The following RGS12 variants were observed in gnomAD, a reference collection of about 807,000 sequenced individuals.
RGS12 encodes regulator of G protein signaling 12.
A neutral mutation model predicts 120.1 loss-of-function variants in RGS12; 66 were observed. The observed-to-expected ratio is 0.55, with a 90% CI of 0.45 to 0.67. RGS12 has a LOEUF of 0.67. Ranked by LOEUF, RGS12 falls within the 30% of genes least tolerant of loss-of-function variation. The pLI is 0.00. For synonymous variants in RGS12, 827 were observed against 804.7 expected, an observed-to-expected ratio of 1.03 and a Z score of -0.47; for missense variants, 1,859 against 1,957.7, an observed-to-expected ratio of 0.95 and a Z score of 0.95.
intron 1 of RGS12, among the ~76,000 whole-genome samples, chr4:3,309,608 C>CCGGGAA (rs1724212818): frequency 2.6e-5 from 2 of 76,986 alleles, no homozygotes; most frequent in African/African-American, 1.4e-4. Flanking sequence ...GAGCTGGGAC[C>CCGGGAA]TGGGAATGGC....
chr4:3,410,507 TC>T (rs879391762), intron 4 of RGS12, among the ~76,000 whole-genome samples: 7 of 152,214 alleles, frequency 4.6e-5, no homozygotes, highest in African/African-American at 7.2e-5. Flanking sequence ...CCAGCTCTGG[TC>T]TTCCGTCTCC....
At chr4:3,431,229 G>T in intron 17 of RGS12, 1 of 1,322,168 alleles carries the variant, frequency 7.6e-7, no homozygotes, top group Non-Finnish European at 9.6e-7. Context: ...ACGTGGCAGT[G>T]CCTGCAGCGA....
Position 3,366,600 on chromosome 4 carries a change from C to G in RGS12, c.1999-19816C>G, listed in dbSNP as rs541446594. On this transcript the variant is annotated intron_variant, in intron 3 of 17. Coordinates refer to ENST00000336727, the MANE Select transcript of RGS12 (RefSeq NM_001394154.1). The surrounding 1 kb of genome is among the most constrained non-coding windows in gnomAD (Gnocchi z 4.0). ...GGGCCGTCCCGGTTCCTGGGTGTTC[C>G]GCGCCCGTCTCCTTTCTGCTGTTGA... Among the ~76,000 whole-genome samples the G allele has an allele frequency of 6.6e-6, 1 of 152,218 alleles. No individual in the cohort carries two copies. Among genetic ancestry groups the G allele is most frequent in the Admixed American group, 6.5e-5 (1 of 15,288 alleles).
Position 3,348,531 on chromosome 4 carries a change from C to T in RGS12, c.1998+5478C>T, listed in dbSNP as rs375923063. ...AAGAGGGTGTCCAGTATTACGAGTG[C>T]GCACCGTATTATAGAGGAATGTCAA... On this transcript the variant is annotated intron_variant, in intron 3 of 17. Transcript: ENST00000336727. 8.5e-5 allele frequency among the ~76,000 whole-genome samples: 13 copies of T among 152,050 alleles called. No individual in the cohort carries two copies. In the East Asian group the frequency reaches 9.6e-4, roughly 11 times the overall value.
chr4:3,369,299 A>G (rs1484544525), intron 3 of RGS12, among the ~76,000 whole-genome samples: 1 of 152,206 alleles, frequency 6.6e-6, no homozygotes, highest in Non-Finnish European at 1.5e-5. Flanking sequence ...TCTGAAACGA[A>G]GTGTGTGTCC....
At chr4:3,420,346 C>T (rs1722866887) in intron 9 of RGS12, 1 of 504,330 alleles carries the variant, frequency 2.0e-6, no homozygotes, top group Non-Finnish European at 3.6e-6. Flanking sequence ...ATTTGTTGGG[C>T]ACCTGCCATG....
chr4:3,288,835 G>C (rs896885318), upstream of RGS12, among the ~76,000 whole-genome samples: 5 of 152,178 alleles, frequency 3.3e-5, no homozygotes, highest in Admixed American at 6.5e-5. This position sits in a 1 kb window ranked among gnomAD's most constrained non-coding sequence, Gnocchi z 5.2. Context: ...AGGGGCCCCA[G>C]GTCCCAGCTC....
At chr4:3,299,016 T>G (rs1337664419) in intron 1 of RGS12, among the ~76,000 whole-genome samples, 1 of 152,222 alleles carries the variant, frequency 6.6e-6, no homozygotes, top group Non-Finnish European at 1.5e-5. Context: ...TCTTTGAACA[T>G]CTAGTGTTAT....
rs1418066155 is a variant in RGS12, at chr4:3,422,447, T to A, written c.2910T>A (p.Asp970Glu). 6.2e-7 allele frequency: 1 copy of A among 1,613,136 alleles called. No homozygotes were observed. The highest frequency in any genetic ancestry group is 1.7e-5 in the Admixed American group (1 of 60,032). Residue 970 changes from aspartate to glutamate, a missense_variant, in exon 11 of 18, where the codon GAT (aspartate) becomes GAA (glutamate). Transcript: ENST00000336727. ...ATKHCCIHLP[D>E]GTSCVVAVKA... ...AGCACTGCTGCATTCATCTCCCGGA[T>A]GGGACATCCTGCGTGGTGGCTGTCA...
chr4:3,365,871 C>T lies in RGS12; in HGVS notation c.1999-20545C>T, dbSNP rs900805267. Among the ~76,000 whole-genome samples the T allele has an allele frequency of 1.3e-5, 2 of 152,188 alleles. No individual in the cohort carries two copies. Among genetic ancestry groups the T allele is most frequent in the Non-Finnish European group, 2.9e-5 (2 of 68,034 alleles). On this transcript the variant is annotated intron_variant, in intron 3 of 17. Transcript: ENST00000336727. This position sits in a 1 kb window ranked among gnomAD's most constrained non-coding sequence, Gnocchi z 4.0. ...GGACATGTAATAGGATTCTTCAGTG[C>T]TTCAGGGCCTTCTCATTGAGTGAAT...
chr4:3,317,081 T>C lies in RGS12; in HGVS notation c.911T>C (p.Val304Ala). Residue 304 changes from valine (V) to alanine (A), a missense_variant, in exon 2 of 18, where the codon GTG (valine) becomes GCG (alanine). Val to Ala is a moderately conservative substitution (Grantham distance 64). This residue lies in a region of RGS12 where 967 missense variants were observed against 994.2 expected (regional missense o/e 0.97). Coordinates refer to ENST00000336727, the MANE Select transcript of RGS12 (RefSeq NM_001394154.1). Reference sequence around the variant, plus strand: ...GCCGAGAAGCTGGCCTTCAGCGCCGTGTGCCCGGACGACCGGCGATTTTTC... The same window carrying C: ...GCCGAGAAGCTGGCCTTCAGCGCCGCGTGCCCGGACGACCGGCGATTTTTC... Reference protein sequence around the residue: ...YPAEKLAFSAVCPDDRRFFGL... With the variant: ...YPAEKLAFSAACPDDRRFFGL... 1 of 1,613,562 alleles carries C rather than the reference T, an allele frequency of 6.2e-7. No homozygotes were observed. Among genetic ancestry groups the C allele is most frequent in the Non-Finnish European group, 8.5e-7 (1 of 1,179,984 alleles).
chr4:3,368,329 C>CTGTG (rs1031028370), intron 3 of RGS12, among the ~76,000 whole-genome samples: 53 of 151,956 alleles, frequency 3.5e-4, no homozygotes, highest in Middle Eastern at 3.4e-3. Context: ...GAAAGTGTGC[C>CTGTG]TGTGTGTGTG....
At position 3,433,264 on chromosome 4, in the gene RGS12, C is replaced by T. The variant is rs969042312; in HGVS notation, c.4114+2309C>T. ...TGGCAGCCGCCCTGGACCCAGCGTC[C>T]GGGGTGAGAAACACAACAGGAGGTG... On this transcript the variant is annotated intron_variant, in intron 17 of 17. Coordinates refer to ENST00000336727, the MANE Select transcript of RGS12 (RefSeq NM_001394154.1). The surrounding 1 kb of genome is among the most constrained non-coding windows in gnomAD (Gnocchi z 4.4). Among the ~76,000 whole-genome samples, 4 of 152,208 alleles carry T rather than the reference C, an allele frequency of 2.6e-5. No individual in the cohort carries two copies. Among genetic ancestry groups the T allele is most frequent in the Non-Finnish European group, 4.4e-5 (3 of 68,022 alleles).
At chr4:3,287,410 C>T in the RGS12 span, among the ~76,000 whole-genome samples, 149 of 152,014 alleles carry the variant, frequency 9.8e-4, no homozygotes, top group African/African-American at 3.2e-3. Flanking sequence ...CCAGCTGGAG[C>T]AGCTCTGTTG....
chr4:3,391,788 T>A (rs1719533977), intron 4 of RGS12, among the ~76,000 whole-genome samples: 1 of 150,468 alleles, frequency 6.6e-6, no homozygotes, highest in African/African-American at 2.5e-5. Context: ...GAGGGCTGCC[T>A]GGGGTGTTTG....
chr4:3,436,454 G>A (rs1370730938), intron 17 of RGS12, among the ~76,000 whole-genome samples: 1 of 152,170 alleles, frequency 6.6e-6, no homozygotes, highest in Non-Finnish European at 1.5e-5. Flanking sequence ...GGAGCATGGA[G>A]GCAGAGGCTG....
chr4:3,376,091 C>A (rs1251280059), intron 3 of RGS12, among the ~76,000 whole-genome samples: 1 of 152,236 alleles, frequency 6.6e-6, no homozygotes, highest in East Asian at 1.9e-4. Flanking sequence ...CAGGAGGACA[C>A]TACTTTGGGC....
chr4:3,433,731 C>G lies in RGS12; in HGVS notation c.4114+2776C>G, dbSNP rs1370740490. Among the ~76,000 whole-genome samples the G allele has an allele frequency of 6.6e-6, 1 of 151,580 alleles. No homozygotes were observed. The highest frequency in any genetic ancestry group is 1.9e-4 in the East Asian group (1 of 5,146). On this transcript the variant is annotated intron_variant, in intron 17 of 17. Transcript: ENST00000336727. This position sits in a 1 kb window ranked among gnomAD's most constrained non-coding sequence, Gnocchi z 4.4. ...GCGTCATGCACCGCACCGCCCCATG[C>G]TTCTAGCCCCAGCGCCACACGCCAC...
intron 4 of RGS12, among the ~76,000 whole-genome samples, chr4:3,396,640 C>T (rs969097438): frequency 6.6e-6 from 1 of 152,192 alleles, no homozygotes; most frequent in African/African-American, 2.4e-5. Flanking sequence ...ATCATTGGAT[C>T]AGGACTTCAT....
Sources: allele counts gnomAD v4.1 joint callset (sites outside exome capture counted in the v4.1 genomes callset), GRCh38; gene constraint gnomAD v4.1.1; regional missense constraint gnomAD v4.1.1; non-coding constraint Gnocchi (gnomAD v3.1); transcripts MANE v1.5; gene names NCBI Gene and HGNC (gene_info 2026-07-23, HGNC 2026-07-21).